PTK2: variants seen among roughly 807,000 people sequenced by gnomAD.
PTK2 encodes focal adhesion kinase 1.
A neutral mutation model predicts 150.1 loss-of-function variants in PTK2; 45 were observed. That is an observed-to-expected ratio of 0.30 (90% CI 0.24 to 0.38). The LOEUF (loss-of-function observed/expected upper bound fraction) is 0.38. PTK2 is among the 10% of genes least tolerant of loss of function. The pLI, the probability that PTK2 is intolerant of heterozygous loss-of-function variation, is 1.00. For missense variants in PTK2, 919 were observed against 1,307.3 expected, an observed-to-expected ratio of 0.70 and a Z score of 4.58; for synonymous variants, 432 against 449.2, an observed-to-expected ratio of 0.96 and a Z score of 0.48.
chr8:140,731,028 G>A (rs1360431138), intron 22 of PTK2, among the ~76,000 whole-genome samples: 2 of 141,116 alleles, frequency 1.4e-5, no homozygotes, highest in Non-Finnish European at 3.0e-5. Context: ...GCGCAATACC[G>A]GCTCACTGCA....
At chr8:140,697,450 GTGTGTT>G (rs1030606085) in intron 26 of PTK2, among the ~76,000 whole-genome samples, 14 of 149,952 alleles carry the variant, frequency 9.3e-5, no homozygotes, top group African/African-American at 3.2e-4. Context: ...GTGTGTGTGT[GTGTGTT>G]TTTAAACGGA....
chr8:140,713,823 T>C (rs775681280), intron 23 of PTK2, among the ~76,000 whole-genome samples: 4 of 152,232 alleles, frequency 2.6e-5, no homozygotes, highest in Non-Finnish European at 4.4e-5. Flanking sequence ...TCTTAATAAT[T>C]GGCTTTGTGG....
At chr8:140,883,681 G>C (rs1227965058) in intron 3 of PTK2, among the ~76,000 whole-genome samples, 1 of 151,956 alleles carries the variant, frequency 6.6e-6, no homozygotes, top group Non-Finnish European at 1.5e-5. Context: ...CCAACACCTA[G>C]TACGTTTCCT....
At chr8:140,804,398 C>T (rs528053012) in intron 10 of PTK2, among the ~76,000 whole-genome samples, 1 of 150,524 alleles carries the variant, frequency 6.6e-6, no homozygotes, top group South Asian at 2.1e-4. Flanking sequence ...GCAGCCTGGG[C>T]AACATAGTGA....
At chr8:140,826,415 G>A (rs1485733906) in intron 8 of PTK2, among the ~76,000 whole-genome samples, 1 of 152,160 alleles carries the variant, frequency 6.6e-6, no homozygotes, top group East Asian at 1.9e-4. Context: ...CTAAGGTTAT[G>A]AATTCCTAAG....
At chr8:140,819,380 A>G (rs181283125) in intron 8 of PTK2, among the ~76,000 whole-genome samples, 11 of 152,352 alleles carry the variant, frequency 7.2e-5, no homozygotes, top group Admixed American at 2.0e-4. Context: ...AAAAAACAGT[A>G]TATCTTTCTG....
chr8:140,979,258 T>TA (rs2100190506), intron 1 of PTK2, among the ~76,000 whole-genome samples: 4 of 143,030 alleles, frequency 2.8e-5, no homozygotes, highest in Non-Finnish European at 4.6e-5. Context: ...CTTAAAGTAT[T>TA]AAAAAAAAGA....
chr8:140,850,334 G>A (rs1234343867), intron 5 of PTK2, among the ~76,000 whole-genome samples: 1 of 152,048 alleles, frequency 6.6e-6, no homozygotes, highest in Non-Finnish European at 1.5e-5. Context: ...GCTAAGGCGG[G>A]AGAATTGCTT....
At chr8:140,738,072 G>C (rs375878455) in intron 21 of PTK2, among the ~76,000 whole-genome samples, 2 of 152,292 alleles carry the variant, frequency 1.3e-5, no homozygotes, top group South Asian at 4.1e-4. Flanking sequence ...GAGAAAAAAG[G>C]TACATAATCT....
intron 10 of PTK2, among the ~76,000 whole-genome samples, chr8:140,811,030 T>C (rs190367926): frequency 3.3e-4 from 51 of 152,304 alleles, no homozygotes; most frequent in African/African-American, 1.2e-3. Context: ...CAGTACCCAC[T>C]AGCAACCTGC....
intron 7 of PTK2, among the ~76,000 whole-genome samples, chr8:140,843,419 T>G (rs12156014): frequency 0.24 from 37,133 of 152,062 alleles, 5,177 homozygotes; most frequent in Admixed American, 0.37. Context: ...ATAGACTCTA[T>G]CTTTCAGTTA....
chr8:140,860,714 T>G (rs1360073845), intron 5 of PTK2, among the ~76,000 whole-genome samples: 1 of 152,206 alleles, frequency 6.6e-6, no homozygotes, highest in African/African-American at 2.4e-5. Flanking sequence ...CCTCAGGTGA[T>G]CCACCCGCCT....
rs749789373 is a variant in PTK2, at chr8:140,890,784, A to C, written c.-32-15T>G. 1.1e-5 allele frequency: 17 copies of C among 1,605,868 alleles called. No homozygotes were observed. In the East Asian group the frequency reaches 3.8e-4, roughly 36 times the overall value. ...TCTGTCATATTCTGTTAAAAGAACA[A>C]AATAATTTTTTGTGTATAATACTTG... On this transcript the variant is annotated splice_polypyrimidine_tract_variant and intron_variant, in intron 2 of 31. Transcript: ENST00000522684.
intron 2 of PTK2, among the ~76,000 whole-genome samples, chr8:140,916,329 C>T (rs190204837): frequency 9.8e-5 from 15 of 152,346 alleles, no homozygotes; most frequent in African/African-American, 3.4e-4. Context: ...TAAACCACCA[C>T]CTCGTAGGCA....
intron 2 of PTK2, among the ~76,000 whole-genome samples, chr8:140,901,473 A>T (rs753725644): frequency 4.6e-5 from 7 of 152,166 alleles, no homozygotes; most frequent in Non-Finnish European, 8.8e-5. Context: ...CACAATTAAC[A>T]AAGTAAAAAG....
At chr8:140,780,097 C>G (rs79896268) in intron 14 of PTK2, among the ~76,000 whole-genome samples, 2,549 of 152,194 alleles carry the variant, frequency 0.017, 70 homozygotes, top group African/African-American at 0.057. Context: ...AAAGGCAGTT[C>G]CTGTCTTCCC....
rs564109180 is a variant in PTK2, at chr8:140,972,239, A to G, written c.-122+28886T>C. ...ACCTGTATTTTTTTAATTATGCTCA[A>G]TTGTTTTTATTATTTTAATTAATAA... On this transcript the variant is annotated intron_variant, in intron 1 of 31. Transcript: ENST00000522684. 2.6e-4 allele frequency among the ~76,000 whole-genome samples: 40 copies of G among 152,132 alleles called. 1 individual carries two copies. In the South Asian group the frequency reaches 8.3e-3, roughly 32 times the overall value.
chr8:140,917,099 CTG>C (rs2100165556), intron 2 of PTK2, among the ~76,000 whole-genome samples: 1 of 152,074 alleles, frequency 6.6e-6, no homozygotes, highest in African/African-American at 2.4e-5. Flanking sequence ...CAGAAAGAAA[CTG>C]TAAAATTGAC....
intron 15 of PTK2, 29 bp downstream of exon 18, chr8:140,762,339 A>G: frequency 8.7e-7 from 1 of 1,151,608 alleles, no homozygotes; most frequent in Non-Finnish European, 1.1e-6. Context: ...TTGCAAGCAA[A>G]TGCAGTTAAT....
Sources: gnomAD v4.1 joint callset for allele counts (sites outside exome capture counted in the v4.1 genomes callset) on GRCh38, gnomAD v4.1.1 for gene constraint, MANE v1.5 for transcripts, NCBI Gene and HGNC (gene_info 2026-07-23, HGNC 2026-07-21) for gene names.